The following PGS1 variants were observed in gnomAD, a reference collection of about 807,000 sequenced individuals.
PGS1 encodes the protein CDP-diacylglycerol--glycerol-3-phosphate 3-phosphatidyltransferase, mitochondrial.
A neutral mutation model predicts 58.3 loss-of-function variants in PGS1; 44 were observed. The ratio of observed to expected loss-of-function variants is 0.75; its 90% CI spans 0.59 to 0.97. The LOEUF (loss-of-function observed/expected upper bound fraction) is 0.97. Ranked by LOEUF, PGS1 falls within the 50% of genes least tolerant of loss-of-function variation. The pLI is 0.00. For synonymous variants in PGS1, 330 were observed against 311.0 expected, an observed-to-expected ratio of 1.06 and a Z score of -0.64; for missense variants, 684 against 731.1, an observed-to-expected ratio of 0.94 and a Z score of 0.74.
intron 9 of PGS1, chr17:78,419,924 G>A (rs369552621): frequency 2.8e-5 from 35 of 1,230,562 alleles, no homozygotes; most frequent in Non-Finnish European, 3.2e-5. Context: ...TGCTGGGGTC[G>A]GCAGTGGCAG....
At chr17:78,395,538 G>T (rs2083168022) in intron 2 of PGS1, among the ~76,000 whole-genome samples, 1 of 152,128 alleles carries the variant, frequency 6.6e-6, no homozygotes, top group African/African-American at 2.4e-5. Context: ...TTGACCTATG[G>T]TAGCACTGCC....
At chr17:78,398,049 C>T in intron 3 of PGS1, 3 of 644,902 alleles carry the variant, frequency 4.7e-6, no homozygotes, top group Non-Finnish European at 8.6e-6. Context: ...CTGGGCCGAT[C>T]AGGCCCCTGG....
intron 3 of PGS1, among the ~76,000 whole-genome samples, chr17:78,396,849 C>G (rs1033036902): frequency 3.9e-5 from 6 of 152,230 alleles, no homozygotes; most frequent in Non-Finnish European, 7.3e-5. Flanking sequence ...CAGCCACACT[C>G]ATTCATTTGT....
At chr17:78,411,100 G>T (rs764591369) in intron 7 of PGS1, among the ~76,000 whole-genome samples, 1 of 152,176 alleles carries the variant, frequency 6.6e-6, no homozygotes, top group African/African-American at 2.4e-5. Context: ...GTAGACACTC[G>T]GGCAGTTGGC....
chr17:78,380,372 T>C (rs1362317285), intron 1 of PGS1, among the ~76,000 whole-genome samples: 3 of 152,126 alleles, frequency 2.0e-5, no homozygotes, highest in Non-Finnish European at 4.4e-5. Flanking sequence ...GAAAAGAGCT[T>C]GCTTCATGGT....
intron 9 of PGS1, chr17:78,422,047 C>T (rs2085843602): frequency 6.6e-6 from 1 of 152,230 alleles, no homozygotes; most frequent in African/African-American, 2.4e-5. Context: ...TGTCAACTAC[C>T]CACAATATGT....
In PGS1 at chr17:78,424,232, A is replaced by C. The variant is rs1417218378; in HGVS notation, c.*182A>C. 8 of 1,510,574 alleles carry C rather than the reference A, an allele frequency of 5.3e-6. No individual in the cohort carries two copies. The African/African-American group carries it at 6.8e-5, about 13-fold the overall frequency. The allele number at this position is 1,510,574 out of a possible 1,614,324, so 93.6% of individuals were successfully genotyped here. ...GGCTGGCAGGAAGGGTGGGGTCCTC[A>C]CACTCCCCGCCCTCTGCAGAGCTGG... On this transcript the variant is annotated 3_prime_UTR_variant, in exon 10 of 10. Coordinates refer to ENST00000262764, the MANE Select transcript of PGS1 (RefSeq NM_024419.5).
Position 78,392,675 on chromosome 17 carries a change from A to G in PGS1, c.333+10A>G. ...TTTCGAGCTCATGAAGGTAAGTGGT[A>G]TCTAAAGGAAAGAAGTTTGAGTTAG... On this transcript the variant is annotated intron_variant, in intron 2 of 9. Coordinates refer to ENST00000262764, the MANE Select transcript of PGS1 (RefSeq NM_024419.5). The G allele has an allele frequency of 6.2e-7, 1 of 1,611,508 alleles. No individual in the cohort carries two copies.
At chr17:78,423,216 G>C (rs1043362601) in intron 9 of PGS1, among the ~76,000 whole-genome samples, 1 of 151,748 alleles carries the variant, frequency 6.6e-6, no homozygotes, top group South Asian at 2.1e-4. Flanking sequence ...CTCTCCCCTC[G>C]TGCCTGCACC....
intron 7 of PGS1, among the ~76,000 whole-genome samples, chr17:78,412,659 T>C (rs1336811456): frequency 2.6e-5 from 4 of 152,208 alleles, no homozygotes; most frequent in African/African-American, 9.7e-5. Context: ...GTCTAGGAGC[T>C]GTGGGGTGGA....
intron 8 of PGS1, among the ~76,000 whole-genome samples, 199 bp from the exon 9 acceptor site, chr17:78,419,347 C>T (rs994888075): frequency 6.6e-6 from 1 of 152,218 alleles, no homozygotes; most frequent in South Asian, 2.1e-4. Context: ...CTTAGCTTTT[C>T]TAAGGAATGT....
chr17:78,403,039 A>C (rs539772574), intron 6 of PGS1, among the ~76,000 whole-genome samples: 1 of 152,254 alleles, frequency 6.6e-6, no homozygotes, highest in South Asian at 2.1e-4. Context: ...TGCTTATCCA[A>C]GGTGATGGCT....
At chr17:78,386,327 T>A (rs1186925428) in intron 1 of PGS1, among the ~76,000 whole-genome samples, 3 of 152,192 alleles carry the variant, frequency 2.0e-5, no homozygotes, top group Non-Finnish European at 4.4e-5. Context: ...GGAGCACTGG[T>A]GCTAGGGGAT....
At chr17:78,388,400 T>C (rs1431036490) in intron 1 of PGS1, among the ~76,000 whole-genome samples, 1 of 152,222 alleles carries the variant, frequency 6.6e-6, no homozygotes, top group African/African-American at 2.4e-5. Flanking sequence ...GTCTTGTTCC[T>C]GTTTCTTTCT....
Position 78,390,148 on chromosome 17 carries a change from C to G in PGS1, c.144-2328C>G, listed in dbSNP as rs117742687. ...GGTTGATGGGTTGCTGTGCACCTTT[C>G]CCATTGTCCGGTGGTTTCTGCTGCA... On this transcript the variant is annotated intron_variant, in intron 1 of 9. Coordinates refer to ENST00000262764, the MANE Select transcript of PGS1 (RefSeq NM_024419.5). 5.6e-4 allele frequency among the ~76,000 whole-genome samples: 80 copies of G among 142,256 alleles called. 2 individuals are homozygous for G. The East Asian group carries it at 0.016, about 28-fold the overall frequency. 93.3% of individuals were successfully genotyped at this position (142,256 alleles called of 152,430 possible).
chr17:78,424,278 A>G lies in PGS1; in HGVS notation c.*228A>G. On this transcript the variant is annotated 3_prime_UTR_variant, in exon 10 of 10. Transcript: ENST00000262764. ...GCTGGGCTCTACCCCAAAAGGCTTC[A>G]GGCCAGCTGCCACGGCTGGAAGCAG... is the stretch of plus-strand genomic sequence containing the variant. 1.6e-6 allele frequency: 2 copies of G among 1,272,486 alleles called. No homozygotes were observed. The highest frequency in any genetic ancestry group is 3.1e-5 in the South Asian group (2 of 65,184). 78.8% of individuals were successfully genotyped at this position (1,272,486 alleles called of 1,614,324 possible).
Position 78,378,751 on chromosome 17 carries a change from C to A in PGS1, c.86C>A (p.Ala29Glu). 1 of 1,504,932 alleles carries A rather than the reference C, an allele frequency of 6.6e-7. No homozygotes were observed. 93.2% of individuals were successfully genotyped at this position (1,504,932 alleles called of 1,614,324 possible). ...GLLPGRPGLA[A>E]LLGRLSDRLG... ...CTGCCTGGCCGCCCAGGGCTGGCCG[C>A]GCTCCTGGGACGCCTGTCCGACCGC... Residue 29 changes from alanine to glutamate, a missense_variant, in exon 1 of 10, where the codon GCG becomes GAG. Transcript: ENST00000262764.
chr17:78,417,928 ATTTTT>A (rs55853667), intron 8 of PGS1, among the ~76,000 whole-genome samples: 2 of 128,304 alleles, frequency 1.6e-5, no homozygotes, highest in Non-Finnish European at 3.2e-5. Context: ...GCATATATAA[ATTTTT>A]TTTTTTTTTT....
intron 7 of PGS1, among the ~76,000 whole-genome samples, chr17:78,410,161 C>T (rs2084512966): frequency 6.6e-6 from 1 of 152,104 alleles, no homozygotes; most frequent in Admixed American, 6.6e-5. Flanking sequence ...GCAGTTGTGA[C>T]TTACGCCTGT....
Sources: gnomAD v4.1 joint callset for allele counts (sites outside exome capture counted in the v4.1 genomes callset) on GRCh38, gnomAD v4.1.1 for gene constraint, MANE v1.5 for transcripts, NCBI Gene and HGNC (gene_info 2026-07-23, HGNC 2026-07-21) for gene names.